The following ASPH variants were observed in gnomAD, a reference collection of about 807,000 sequenced individuals.
The protein encoded by ASPH is aspartate beta-hydroxylase, also known as aspartyl/asparaginyl beta-hydroxylase.
In ASPH, 100 loss-of-function variants were observed where a neutral mutation model predicts 118.4. That is an observed-to-expected ratio of 0.84 (90% CI 0.72 to 1.00). The LOEUF (loss-of-function observed/expected upper bound fraction) is 1.00, where lower values mean the gene tolerates loss of function less well. Among genes scored for constraint, ASPH ranks in the 50% least tolerant of loss-of-function variants. ASPH has a pLI of 0.00. For missense variants in ASPH, 920 were observed against 919.5 expected (o/e 1.00, Z -0.01); for synonymous variants, 315 against 325.6 (o/e 0.97, Z 0.35).
chr8:61,699,557 C>T (rs1380829647), intron 1 of ASPH, among the ~76,000 whole-genome samples: 5 of 151,746 alleles, frequency 3.3e-5, no homozygotes, highest in Non-Finnish European at 5.9e-5. Flanking sequence ...CACAAAATCT[C>T]GACTCTTTAA....
intron 13 of ASPH, chr8:61,625,663 G>A: frequency 1.0e-6 from 1 of 983,260 alleles, no homozygotes; most frequent in Non-Finnish European, 1.2e-6. Context: ...TAATTAATCA[G>A]CTAAAAGCTA....
At chr8:61,522,720 G>A (rs1813587567) in intron 22 of ASPH, among the ~76,000 whole-genome samples, 2 of 152,098 alleles carry the variant, frequency 1.3e-5, no homozygotes, top group Admixed American at 1.3e-4. Context: ...AGTTTCCTGA[G>A]GCCTCCCCAG....
chr8:61,694,014 T>G (rs906975109), intron 1 of ASPH, among the ~76,000 whole-genome samples: 1 of 152,210 alleles, frequency 6.6e-6, no homozygotes, highest in Non-Finnish European at 1.5e-5. Context: ...GCCTCGGTGC[T>G]GCCTGCCACC....
At chr8:61,621,975 A>G (rs569278418) in intron 13 of ASPH, among the ~76,000 whole-genome samples, 1 of 152,220 alleles carries the variant, frequency 6.6e-6, no homozygotes, top group East Asian at 1.9e-4. Flanking sequence ...CACCTTACTA[A>G]AAAGAATGGG....
At chr8:61,684,555 C>T (rs113372148) in intron 1 of ASPH, 1 of 164,938 alleles carries the variant, frequency 6.1e-6, no homozygotes, top group African/African-American at 2.4e-5. Flanking sequence ...TCCTTTTCTC[C>T]GTCCCATTTC....
At chr8:61,663,519 A>T in intron 3 of ASPH, 1 of 985,404 alleles carries the variant, frequency 1.0e-6, no homozygotes, top group Non-Finnish European at 1.2e-6. Context: ...GTGAGCTAAG[A>T]GGAAAAAGAA....
At chr8:61,586,942 G>A (rs1241510369) in intron 14 of ASPH, among the ~76,000 whole-genome samples, 2 of 152,154 alleles carry the variant, frequency 1.3e-5, no homozygotes, top group Admixed American at 1.3e-4. Context: ...CTGCAAGAGA[G>A]GCTCTCACAT....
intron 22 of ASPH, among the ~76,000 whole-genome samples, chr8:61,521,151 C>G (rs550719270): frequency 1.3e-5 from 2 of 152,110 alleles, no homozygotes; most frequent in Non-Finnish European, 2.9e-5. Context: ...CATAAGAAGG[C>G]TCAATTAGTG....
intron 1 of ASPH, among the ~76,000 whole-genome samples, chr8:61,686,874 A>C (rs1230065267): frequency 6.6e-6 from 1 of 152,220 alleles, no homozygotes; most frequent in African/African-American, 2.4e-5. Context: ...ACTGGAAAAC[A>C]GCAAGGCTAA....
chr8:61,648,063 G>T (rs565971121), intron 5 of ASPH, among the ~76,000 whole-genome samples: 190 of 152,252 alleles, frequency 1.2e-3, no homozygotes, highest in Admixed American at 2.1e-3. Flanking sequence ...GTAGATTCAG[G>T]CTCTTCCATA....
chr8:61,567,033 A>C, intron 17 of ASPH, 135 bp downstream of exon 17: 1 of 1,087,288 alleles, frequency 9.2e-7, no homozygotes, highest in South Asian at 1.6e-5. Context: ...CCTAGGACAG[A>C]CACATTACTT....
At position 61,675,959 on chromosome 8, in the gene ASPH, G is replaced by A. The variant is rs183457686; in HGVS notation, c.322+5009C>T. 3.0e-4 allele frequency: 453 copies of A among 1,516,286 alleles called. No individual in the cohort carries two copies. In the East Asian group the frequency reaches 6.6e-3, roughly 22 times the overall value. The allele number at this position is 1,516,286 out of a possible 1,614,324, so 93.9% of individuals were successfully genotyped here. On this transcript the variant is annotated intron_variant, in intron 3 of 24. Transcript: ENST00000379454. ...GCAAGATCACATGGTTGACTTGCAC[G>A]GTAAGATCACAACCACCCCACTGCA...
intron 14 of ASPH, among the ~76,000 whole-genome samples, chr8:61,601,589 A>T (rs1273333929): frequency 6.6e-6 from 1 of 151,018 alleles, no homozygotes; most frequent in African/African-American, 2.5e-5. Flanking sequence ...GGAACAGCAA[A>T]TTAAACCTAA....
chr8:61,637,895 C>T (rs1858574033), intron 12 of ASPH, 52 bp downstream of exon 12: 1 of 1,520,712 alleles, frequency 6.6e-7, no homozygotes, highest in Admixed American at 1.8e-5. Flanking sequence ...ACTGAATAAA[C>T]AAACACAATT....
intron 4 of ASPH, among the ~76,000 whole-genome samples, chr8:61,652,536 AT>A (rs1485646987): frequency 2.0e-5 from 3 of 151,910 alleles, no homozygotes; most frequent in Non-Finnish European, 4.4e-5. Flanking sequence ...GTTAAAAAAA[AT>A]GAATGAAAAA....
intron 3 of ASPH, among the ~76,000 whole-genome samples, chr8:61,676,759 A>G (rs1825608962): frequency 6.6e-6 from 1 of 152,066 alleles, no homozygotes; most frequent in Non-Finnish European, 1.5e-5. Context: ...GATTATACAC[A>G]CATTCGTTCA....
At chr8:61,539,744 G>GTGTGTGTGTGTGTGTGTGTGTGTGTGTC (rs1821160201) in intron 21 of ASPH, among the ~76,000 whole-genome samples, 1 of 148,932 alleles carries the variant, frequency 6.7e-6, no homozygotes, top group Non-Finnish European at 1.5e-5. Context: ...GTGTGTGTCT[G>GTGTGTGTGTGTGTGTGTGTGTGTGTGTC]TCCCTCTCCT....
chr8:61,505,443 G>A (rs1383433370), intron 24 of ASPH, among the ~76,000 whole-genome samples: 1 of 148,150 alleles, frequency 6.7e-6, no homozygotes, highest in African/African-American at 2.5e-5. Flanking sequence ...GCAGTGAGCT[G>A]AGATCATGCC....
At chr8:61,551,182 T>C (rs1409298818) in intron 20 of ASPH, among the ~76,000 whole-genome samples, 1 of 152,128 alleles carries the variant, frequency 6.6e-6, no homozygotes, top group African/African-American at 2.4e-5. Context: ...CAGACCCTCA[T>C]GGTTTGTCCC....
Sources: gnomAD v4.1 joint callset for allele counts (sites outside exome capture counted in the v4.1 genomes callset) on GRCh38, gnomAD v4.1.1 for gene constraint, MANE v1.5 for transcripts, NCBI Gene and HGNC (gene_info 2026-07-23, HGNC 2026-07-21) for gene names.